FGD6: variants seen among roughly 807,000 people sequenced by gnomAD.
FGD6 encodes FYVE, RhoGEF and PH domain-containing protein 6.
FGD6 carries 90 observed loss-of-function variants against 149.4 expected under a neutral mutation model. That is an observed-to-expected ratio of 0.60 (90% CI 0.51 to 0.72). The LOEUF is 0.72. FGD6 is among the 30% of genes least tolerant of loss of function. The pLI, the probability that FGD6 is intolerant of heterozygous loss-of-function variation, is 0.00. For synonymous variants in FGD6, 527 were observed against 584.0 expected, an observed-to-expected ratio of 0.90 and a Z score of 1.41; for missense variants, 1,437 against 1,684.8, an observed-to-expected ratio of 0.85 and a Z score of 2.57.
intron 14 of FGD6, among the ~76,000 whole-genome samples, chr12:95,101,956 C>T (rs1339766674): frequency 1.3e-5 from 2 of 151,204 alleles, no homozygotes; most frequent in South Asian, 2.1e-4. Context: ...GCTGGGATTA[C>T]AGGCATGAGC....
At chr12:95,120,961 G>C (rs1210738053) in intron 8 of FGD6, among the ~76,000 whole-genome samples, 2 of 151,784 alleles carry the variant, frequency 1.3e-5, no homozygotes, top group Non-Finnish European at 2.9e-5. Context: ...CATATTTTTA[G>C]TCTAGATGTC....
intron 13 of FGD6, among the ~76,000 whole-genome samples, chr12:95,105,435 C>T (rs982887329): frequency 2.6e-5 from 4 of 152,180 alleles, no homozygotes; most frequent in Admixed American, 2.0e-4. Context: ...AGGCCAGTCC[C>T]CACCATGACC....
chr12:95,186,798 T>G (rs1045453208), intron 2 of FGD6, among the ~76,000 whole-genome samples: 2 of 152,210 alleles, frequency 1.3e-5, no homozygotes, highest in African/African-American at 4.8e-5. Context: ...CAAAACTGCC[T>G]GTGTTCGAAT....
chr12:95,108,746 A>ACAC (rs1565898045), intron 9 of FGD6, among the ~76,000 whole-genome samples, 185 bp from the exon 10 acceptor site: 1 of 152,070 alleles, frequency 6.6e-6, no homozygotes, highest in Non-Finnish European at 1.5e-5. Flanking sequence ...AAACCAAACA[A>ACAC]CACCACCACC....
At position 95,157,057 on chromosome 12, in the gene FGD6, CCCA is replaced by C. The variant is rs148309958; in HGVS notation, c.2587-4067_2587-4065del. On this transcript the variant is annotated intron_variant, in intron 3 of 20. Coordinates refer to ENST00000343958, the MANE Select transcript of FGD6 (RefSeq NM_018351.4). ...AACCTAATACCCACACATCCACTCT[CCCA>C]CCAAGATTTAACAAATCCAAACATT... Among the ~76,000 whole-genome samples the C allele has an allele frequency of 1.2e-3, 180 of 152,188 alleles. 7 individuals carry two copies. In the East Asian group the frequency reaches 0.032, roughly 27 times the overall value.
rs1040068377 is a variant in FGD6, at chr12:95,080,478, T to A, written c.*1042A>T. ...AGAAAGGATTTGTTGTTTTTTTTTTTAATTAGGAGGGAGGATATCACAAAC... is the reference window on the plus strand; with the variant it reads ...AGAAAGGATTTGTTGTTTTTTTTTTAAATTAGGAGGGAGGATATCACAAAC... On this transcript the variant is annotated 3_prime_UTR_variant, in exon 21 of 21. Transcript: ENST00000343958. 1 of 150,718 alleles carries A rather than the reference T, an allele frequency of 6.6e-6. No individual in the cohort carries two copies. The highest frequency in any genetic ancestry group is 1.5e-5 in the Non-Finnish European group (1 of 67,578). 9.3% of individuals were successfully genotyped at this position (150,718 alleles called of 1,614,324 possible).
chr12:95,149,412 G>T (rs1880222620), intron 5 of FGD6, among the ~76,000 whole-genome samples: 1 of 116,514 alleles, frequency 8.6e-6, no homozygotes, highest in East Asian at 2.3e-4. Context: ...ATAATATATA[G>T]CATACTATAT....
At chr12:95,191,838 C>A (rs1028018559) in intron 2 of FGD6, among the ~76,000 whole-genome samples, 2 of 152,114 alleles carry the variant, frequency 1.3e-5, no homozygotes, top group Non-Finnish European at 2.9e-5. Flanking sequence ...CAGGTTCAAG[C>A]AATTCTCCTG....
chr12:95,162,512 G>C lies in FGD6; in HGVS notation c.2587-9519C>G, dbSNP rs561834387. 2.0e-5 allele frequency among the ~76,000 whole-genome samples: 3 copies of C among 152,324 alleles called. No individual in the cohort carries two copies. In the East Asian group the frequency reaches 5.8e-4, roughly 29 times the overall value. Reference sequence around the variant, plus strand: ...ACTGTACTCTCCAGCCTGGGTGACAGAGTGAGATTCTGTCTAAAAATTGAA... The same window carrying C: ...ACTGTACTCTCCAGCCTGGGTGACACAGTGAGATTCTGTCTAAAAATTGAA... On this transcript the variant is annotated intron_variant, in intron 3 of 20. Coordinates refer to ENST00000343958, the MANE Select transcript of FGD6 (RefSeq NM_018351.4).
At chr12:95,081,580 G>A (rs1439122432) in intron 20 of FGD6, 24 bp from the exon 21 acceptor site, 3 of 1,584,206 alleles carry the variant, frequency 1.9e-6, no homozygotes, top group Non-Finnish European at 2.6e-6. Context: ...AAATCGGTTA[G>A]ATTTGTAAAA....
At chr12:95,152,102 G>A (rs1463043688) in intron 5 of FGD6, among the ~76,000 whole-genome samples, 2 of 152,128 alleles carry the variant, frequency 1.3e-5, no homozygotes, top group Non-Finnish European at 2.9e-5. Flanking sequence ...AAGGCGGGTT[G>A]ATCACTTGAG....
intron 9 of FGD6, among the ~76,000 whole-genome samples, chr12:95,109,938 T>C (rs1202640252): frequency 6.6e-6 from 1 of 151,980 alleles, no homozygotes; most frequent in Non-Finnish European, 1.5e-5. Context: ...GGTCCAGTTA[T>C]TGTAATCTAT....
At chr12:95,099,331 A>G (rs1247318004) in intron 14 of FGD6, among the ~76,000 whole-genome samples, 1 of 152,188 alleles carries the variant, frequency 6.6e-6, no homozygotes, top group Non-Finnish European at 1.5e-5. Context: ...TCTGGCATGC[A>G]TGGAGTCACA....
Position 95,080,780 on chromosome 12 carries a change from T to C in FGD6, c.*740A>G, listed in dbSNP as rs1877649440. ...TCGAAGTGGTAGATTTTTTAAAAGA[T>C]TGGACTTAAAAGCCGGAAGAGTTGG... On this transcript the variant is annotated 3_prime_UTR_variant, in exon 21 of 21. Coordinates refer to ENST00000343958, the MANE Select transcript of FGD6 (RefSeq NM_018351.4). 1 of 152,192 alleles carries C rather than the reference T, an allele frequency of 6.6e-6. No individual in the cohort carries two copies. Among genetic ancestry groups the C allele is most frequent in the African/African-American group, 2.4e-5 (1 of 41,452 alleles). The allele number at this position is 152,192 out of a possible 1,614,324, so 9.4% of individuals were successfully genotyped here. A position where few individuals can be genotyped will look rare whatever the true frequency, so the allele number is the denominator to read the frequency against.
At chr12:95,109,880 A>G (rs753537477) in intron 9 of FGD6, among the ~76,000 whole-genome samples, 1 of 152,142 alleles carries the variant, frequency 6.6e-6, no homozygotes, top group Non-Finnish European at 1.5e-5. Context: ...AAAACGAAAC[A>G]AAAACAACAA....
intron 2 of FGD6, among the ~76,000 whole-genome samples, chr12:95,196,537 AT>A (rs750642431): frequency 9.9e-5 from 15 of 152,106 alleles, no homozygotes; most frequent in Non-Finnish European, 1.9e-4. Flanking sequence ...GTCAGAAGGA[AT>A]TTAAATATGC....
chr12:95,134,370 G>A (rs1879606918), intron 8 of FGD6, among the ~76,000 whole-genome samples: 1 of 152,140 alleles, frequency 6.6e-6, no homozygotes, highest in African/African-American at 2.4e-5. Flanking sequence ...ATATGTGGGA[G>A]TGACCCTCTA....
At chr12:95,156,845 C>T (rs1592856208) in intron 3 of FGD6, among the ~76,000 whole-genome samples, 1 of 152,216 alleles carries the variant, frequency 6.6e-6, no homozygotes, top group East Asian at 1.9e-4. Context: ...TGAAAACAAC[C>T]TACGTGAAAT....
At chr12:95,107,483 A>T (rs1878667712) in intron 12 of FGD6, 80 bp downstream of exon 12, 1 of 1,389,438 alleles carries the variant, frequency 7.2e-7, no homozygotes, top group African/African-American at 1.4e-5. Context: ...TGCTAAGCTT[A>T]TCTACCATGT....
Sources: gnomAD v4.1 joint callset for allele counts (sites outside exome capture counted in the v4.1 genomes callset) on GRCh38, gnomAD v4.1.1 for gene constraint, MANE v1.5 for transcripts, NCBI Gene and HGNC (gene_info 2026-07-23, HGNC 2026-07-21) for gene names.